The following LRP6 variants were observed in gnomAD, a reference collection of about 807,000 sequenced individuals.
LRP6 encodes the protein low-density lipoprotein receptor-related protein 6.
A neutral mutation model predicts 184.1 loss-of-function variants in LRP6; 43 were observed. The observed-to-expected ratio is 0.23, with a 90% confidence interval of 0.18 to 0.30. LRP6 has a LOEUF of 0.30. Ranked by LOEUF, LRP6 falls within the 10% of genes least tolerant of loss-of-function variation. The pLI is 1.00. For synonymous variants in LRP6, 719 were observed against 684.9 expected (o/e 1.05, Z -0.78); for missense variants, 1,571 against 2,005.3 (o/e 0.78, Z 4.14).
At chr12:12,152,477 G>C (rs768500844) in intron 12 of LRP6, among the ~76,000 whole-genome samples, 2 of 151,952 alleles carry the variant, frequency 1.3e-5, no homozygotes, top group Non-Finnish European at 2.9e-5. Flanking sequence ...AGTAGAGACA[G>C]GGTTTCACCA....
Position 12,192,610 on chromosome 12 carries a change from T to G in LRP6, c.648-5491A>C, listed in dbSNP as rs140735913. ...CCATAAGAGAGCTGGAGCAGCTCTA[T>G]CAGACAAAAAAGATTTTAAGTATAA... On this transcript the variant is annotated intron_variant, in intron 3 of 22. Transcript: ENST00000261349. Among the ~76,000 whole-genome samples, 682 of 152,064 alleles carry G rather than the reference T, an allele frequency of 4.5e-3. 3 individuals carry two copies. Among genetic ancestry groups the G allele is most frequent in the Non-Finnish European group, 7.6e-3 (519 of 67,882 alleles).
Position 12,149,124 on chromosome 12 carries a change from C to G in LRP6, c.3024G>C (p.Pro1008=). 2 of 1,613,786 alleles carry G rather than the reference C, an allele frequency of 1.2e-6. No homozygotes were observed. Among genetic ancestry groups the G allele is most frequent in the Non-Finnish European group, 1.7e-6 (2 of 1,179,954 alleles). The change falls in exon 14 of 23, where the codon CCG becomes CCC. Residue 1008 remains proline (P), a synonymous_variant. Transcript: ENST00000261349. The part of the protein sequence containing the change: ...QGFTVVVSSV[P]SQNLEIQPYD... ...AGGGTTGTATTTCCAGGTTCTGACT[C>G]GGAACTGAGCTCACAACCACAGTAA...
At position 12,266,690 on chromosome 12, in the gene LRP6, G is replaced by A; in HGVS notation, c.46C>T (p.Leu16Phe). 1.9e-6 allele frequency: 3 copies of A among 1,613,440 alleles called. No homozygotes were observed. The highest frequency in any genetic ancestry group is 2.5e-6 in the Non-Finnish European group (3 of 1,179,828). The change falls in exon 1 of 23, where the codon CTC becomes TTC. Residue 16 changes from leucine (L) to phenylalanine (F), a missense_variant. This residue lies in a region of LRP6 where 640 missense variants were observed against 851.9 expected (regional missense o/e 0.75). Transcript: ENST00000261349. ...RSLLACSFCVLLRAAPLLLYA... is the reference protein window; with the variant it reads ...RSLLACSFCVFLRAAPLLLYA... ...CCCCCACTCTTCCCACCTCTCAGGA[G>A]CACACAGAAGCTGCAGGCCAGGAGG...
chr12:12,116,224 C>T lies in LRP6; in HGVS notation c.*4902G>A, dbSNP rs1021873792. 2 of 152,250 alleles carry T rather than the reference C, an allele frequency of 1.3e-5. No individual in the cohort carries two copies. The highest frequency in any genetic ancestry group is 4.8e-5 in the African/African-American group (2 of 41,540). The allele number at this position is 152,250 out of a possible 1,614,324, so 9.4% of individuals were successfully genotyped here. ...GTTGGCCATTATAACATAAATACAT[C>T]CTTGCAAAGCACCATCGTACCAAAG... On this transcript the variant is annotated 3_prime_UTR_variant, in exon 23 of 23. Coordinates refer to ENST00000261349, the MANE Select transcript of LRP6 (RefSeq NM_002336.3).
chr12:12,231,329 G>T (rs1262520207), intron 2 of LRP6, among the ~76,000 whole-genome samples: 2 of 151,464 alleles, frequency 1.3e-5, no homozygotes, highest in African/African-American at 4.8e-5. Flanking sequence ...AGTGTTAGAA[G>T]TAAGATTCCT....
intron 1 of LRP6, among the ~76,000 whole-genome samples, chr12:12,248,197 T>G (rs1315457302): frequency 2.0e-5 from 3 of 152,182 alleles, no homozygotes; most frequent in Admixed American, 6.5e-5. Flanking sequence ...TCTCTACAAC[T>G]TCGCTCTATC....
In LRP6 at chr12:12,147,571, G is replaced by C; in HGVS notation, c.3207-15C>G. 6.2e-7 allele frequency: 1 copy of C among 1,601,876 alleles called. No individual in the cohort carries two copies. Among genetic ancestry groups the C allele is most frequent in the Non-Finnish European group, 8.5e-7 (1 of 1,170,212 alleles). The stretch of plus-strand genomic sequence containing the variant: ...AATACATATACCTAGAGGGAAAGGA[G>C]GAAAAAAATAAGTTACTGGAGTAAG... On this transcript the variant is annotated splice_polypyrimidine_tract_variant and intron_variant, in intron 14 of 22. Coordinates refer to ENST00000261349, the MANE Select transcript of LRP6 (RefSeq NM_002336.3).
intron 7 of LRP6, among the ~76,000 whole-genome samples, chr12:12,166,086 T>A (rs978612722): frequency 6.6e-6 from 1 of 152,200 alleles, no homozygotes; most frequent in African/African-American, 2.4e-5. Flanking sequence ...GATATTTACA[T>A]ATAAGATTAT....
At chr12:12,164,125 G>A (rs576112158) in intron 9 of LRP6, 148 bp downstream of exon 9, 46 of 653,018 alleles carry the variant, frequency 7.0e-5, no homozygotes, top group Non-Finnish European at 9.5e-5. Context: ...GCAAGACACC[G>A]TTTAAAAAAA....
At chr12:12,207,989 A>T (rs1271397019) in intron 2 of LRP6, among the ~76,000 whole-genome samples, 3 of 152,226 alleles carry the variant, frequency 2.0e-5, no homozygotes, top group African/African-American at 7.2e-5. Context: ...GTAATCCAGG[A>T]AAGTCATTAA....
At chr12:12,251,818 C>A (rs1324411246) in intron 1 of LRP6, among the ~76,000 whole-genome samples, 3 of 152,160 alleles carry the variant, frequency 2.0e-5, no homozygotes, top group Non-Finnish European at 4.4e-5. Context: ...TGTATTCACA[C>A]CCTTAAAAGG....
At chr12:12,197,225 G>A (rs1300636195) in intron 3 of LRP6, among the ~76,000 whole-genome samples, 1 of 152,184 alleles carries the variant, frequency 6.6e-6, no homozygotes, top group Non-Finnish European at 1.5e-5. Flanking sequence ...CAGTCTTTCT[G>A]AAATGACCCT....
At chr12:12,164,235 T>C in intron 9 of LRP6, 38 bp downstream of exon 9, 1 of 1,588,284 alleles carries the variant, frequency 6.3e-7, no homozygotes, top group Non-Finnish European at 8.6e-7. Flanking sequence ...GTTCTCCCTT[T>C]TAGTCCCTAG....
chr12:12,233,424 T>C (rs1416979410), intron 2 of LRP6, among the ~76,000 whole-genome samples: 1 of 152,082 alleles, frequency 6.6e-6, no homozygotes. Flanking sequence ...GCCAAGATCA[T>C]GCCACTGCAC....
At chr12:12,179,413 T>A (rs368718670) in intron 7 of LRP6, among the ~76,000 whole-genome samples, 9 of 118,840 alleles carry the variant, frequency 7.6e-5, no homozygotes, top group African/African-American at 2.5e-4. Context: ...TAGATATAGA[T>A]ATAGATATAC....
intron 9 of LRP6, among the ~76,000 whole-genome samples, chr12:12,163,119 G>T (rs1369272965): frequency 6.6e-6 from 1 of 151,996 alleles, no homozygotes; most frequent in Non-Finnish European, 1.5e-5. Flanking sequence ...GGGATTACAG[G>T]TATGCGCCAC....
intron 22 of LRP6, 116 bp from the exon 23 acceptor site, chr12:12,121,536 A>T (rs1949607107): frequency 5.1e-6 from 5 of 974,120 alleles, no homozygotes; most frequent in Non-Finnish European, 8.0e-6. Flanking sequence ...AGCTACTGCA[A>T]TTTAAATTTA....
Position 12,119,985 on chromosome 12 carries a change from AACAAAATATATATATATATAT to A in LRP6, c.*1120_*1140del, listed in dbSNP as rs1384654089. On this transcript the variant is annotated 3_prime_UTR_variant, in exon 23 of 23. Coordinates refer to ENST00000261349, the MANE Select transcript of LRP6 (RefSeq NM_002336.3). ...GTTTTACTCAGAAAACAAACAAACA[AACAAAATATATATATATATAT>A]ATATATATATATATATATATATATA... is the stretch of plus-strand genomic sequence containing the variant. 1 of 115,572 alleles carries A rather than the reference AACAAAATATATATATATATAT, an allele frequency of 8.7e-6. No individual in the cohort carries two copies. The highest frequency in any genetic ancestry group is 1.8e-5 in the Non-Finnish European group (1 of 56,330). The allele number at this position is 115,572 out of a possible 1,614,324, so 7.2% of individuals were successfully genotyped here.
chr12:12,121,515 T>C, intron 22 of LRP6, 95 bp from the exon 23 acceptor site: 6 of 1,161,642 alleles, frequency 5.2e-6, no homozygotes, highest in Non-Finnish European at 6.4e-6. Context: ...AACTACCCTA[T>C]GAAAACAATA....
Sources: gnomAD v4.1 joint callset for allele counts (sites outside exome capture counted in the v4.1 genomes callset) on GRCh38, gnomAD v4.1.1 for gene constraint, gnomAD v4.1.1 regional missense constraint, MANE v1.5 for transcripts, NCBI Gene and HGNC (gene_info 2026-07-23, HGNC 2026-07-21) for gene names.